CPEB3: variants seen among roughly 807,000 people sequenced by gnomAD.
CPEB3 encodes the protein cytoplasmic polyadenylation element binding protein 3.
In CPEB3, 20 loss-of-function variants were observed where a neutral mutation model predicts 67.2. That is an observed-to-expected ratio of 0.30 (90% CI 0.21 to 0.43). The LOEUF (loss-of-function observed/expected upper bound fraction) is 0.43, where lower values mean the gene tolerates loss of function less well. CPEB3 is among the 20% of genes least tolerant of loss of function. The pLI, the probability that CPEB3 is intolerant of heterozygous loss-of-function variation, is 1.00. For synonymous variants in CPEB3, 376 were observed against 393.1 expected (o/e 0.96, Z 0.51); for missense variants, 746 against 968.6 (o/e 0.77, Z 3.05).
chr10:92,239,307 G>A lies in CPEB3; in HGVS notation c.1005+39C>T. The A allele has an allele frequency of 2.5e-6, 4 of 1,581,276 alleles. No homozygotes were observed. The highest frequency in any genetic ancestry group is 2.3e-5 in the East Asian group (1 of 44,022). On this transcript the variant is annotated intron_variant, in intron 2 of 9. Coordinates refer to ENST00000265997, the MANE Select transcript of CPEB3 (RefSeq NM_014912.5). The surrounding 1 kb of genome is among the most constrained non-coding windows in gnomAD (Gnocchi z 6.0). ...GTCAGAGAAGTGGCAAAAGGAGCGG[G>A]GCAGAGGGAAGGAGTGTGTAGGTGC... is the stretch of plus-strand genomic sequence containing the variant.
chr10:92,185,056 C>T (rs1028501297), intron 3 of CPEB3, among the ~76,000 whole-genome samples: 14 of 152,050 alleles, frequency 9.2e-5, no homozygotes, highest in African/African-American at 3.4e-4. Context: ...TCAGAAGAGG[C>T]CATTTCTTTT....
In CPEB3 at chr10:92,174,839, C is replaced by T. The variant is rs532308893; in HGVS notation, c.1222+6124G>A. ...TTTTAATTTAAACAATATTGAATCTCTGTTATATTACAAAGCTATGATCTT... is the reference window on the plus strand; with the variant it reads ...TTTTAATTTAAACAATATTGAATCTTTGTTATATTACAAAGCTATGATCTT... On this transcript the variant is annotated intron_variant, in intron 4 of 9. Coordinates refer to ENST00000265997, the MANE Select transcript of CPEB3 (RefSeq NM_014912.5). 9.2e-5 allele frequency among the ~76,000 whole-genome samples: 14 copies of T among 152,200 alleles called. No homozygotes were observed. The South Asian group carries it at 2.7e-3, about 29-fold the overall frequency.
intron 4 of CPEB3, among the ~76,000 whole-genome samples, chr10:92,178,479 A>C (rs931866683): frequency 6.6e-6 from 1 of 152,068 alleles, no homozygotes; most frequent in South Asian, 2.1e-4. Context: ...TTCCTACATG[A>C]AGGTTGACAG....
At chr10:92,067,499 T>C (rs1013441041) in intron 9 of CPEB3, among the ~76,000 whole-genome samples, 3 of 147,128 alleles carry the variant, frequency 2.0e-5, no homozygotes, top group African/African-American at 7.6e-5. Context: ...AAACTCCGTC[T>C]CAAAGAAATA....
intron 6 of CPEB3, among the ~76,000 whole-genome samples, chr10:92,129,822 G>A (rs1003661751): frequency 2.6e-5 from 4 of 151,976 alleles, no homozygotes; most frequent in African/African-American, 4.8e-5. Flanking sequence ...TGAGAGCATC[G>A]CTTGAGCCCA....
chr10:92,245,133 CTTTTTTT>C (rs989695063), intron 1 of CPEB3, among the ~76,000 whole-genome samples: 4 of 98,066 alleles, frequency 4.1e-5, no homozygotes, highest in African/African-American at 7.9e-5. Flanking sequence ...AGAAAAGAGT[CTTTTTTT>C]TTTTTTTTTT....
chr10:92,202,778 T>C (rs1159566611), intron 2 of CPEB3, among the ~76,000 whole-genome samples: 1 of 151,968 alleles, frequency 6.6e-6, no homozygotes, highest in African/African-American at 2.4e-5. Flanking sequence ...TTTGGGGTGA[T>C]AAAAATGTTC....
intron 2 of CPEB3, among the ~76,000 whole-genome samples, chr10:92,198,085 G>A (rs1455727269): frequency 6.6e-6 from 1 of 152,154 alleles, no homozygotes; most frequent in African/African-American, 2.4e-5. Flanking sequence ...CACCCTGGGT[G>A]ACACAGTGAG....
Position 92,052,145 on chromosome 10 carries a change from AG to A in CPEB3, c.*66del. 1.9e-6 allele frequency: 2 copies of A among 1,049,178 alleles called. No individual in the cohort carries two copies. Among genetic ancestry groups the A allele is most frequent in the South Asian group, 2.7e-5 (2 of 74,644 alleles). 65.0% of individuals were successfully genotyped at this position (1,049,178 alleles called of 1,614,324 possible). On this transcript the variant is annotated 3_prime_UTR_variant, in exon 10 of 10. Coordinates refer to ENST00000265997, the MANE Select transcript of CPEB3 (RefSeq NM_014912.5). ...GATTTCCAGAACACTGTAAGCCCTG[AG>A]GCAGTGCCCTCTCTTTTCCCTCCTT...
At chr10:92,119,275 C>G in intron 6 of CPEB3, 1 of 1,550,634 alleles carries the variant, frequency 6.4e-7, no homozygotes, top group Middle Eastern at 2.3e-4. Context: ...TGTTTAGATC[C>G]TTTTGCACTT....
intron 4 of CPEB3, among the ~76,000 whole-genome samples, chr10:92,178,367 C>G (rs923521192): frequency 6.6e-6 from 1 of 152,054 alleles, no homozygotes; most frequent in Non-Finnish European, 1.5e-5. Context: ...CCACGTTGGC[C>G]AGGCTGGTCT....
chr10:92,152,713 A>C (rs1847020328), intron 4 of CPEB3, among the ~76,000 whole-genome samples: 3 of 152,216 alleles, frequency 2.0e-5, no homozygotes, highest in Admixed American at 1.3e-4. Context: ...TTAGATAGCT[A>C]TCTCTCCATC....
In CPEB3 at chr10:92,193,722, G is replaced by C. The variant is rs201909630; in HGVS notation, c.1006-1086C>G. On this transcript the variant is annotated intron_variant, in intron 2 of 9. Transcript: ENST00000265997. ...AAGACCACAGTTAAGAACTCAAACG[G>C]AATCATTTTCCTGAAAAACCAAAGG... 7.2e-5 allele frequency among the ~76,000 whole-genome samples: 11 copies of C among 151,946 alleles called. No homozygotes were observed. The East Asian group carries it at 1.7e-3, about 24-fold the overall frequency.
intron 3 of CPEB3, among the ~76,000 whole-genome samples, chr10:92,189,621 T>C (rs1466177299): frequency 1.3e-5 from 2 of 151,752 alleles, no homozygotes; most frequent in Admixed American, 6.6e-5. Flanking sequence ...ATCTCCTATA[T>C]GGAGAATATA....
chr10:92,214,344 T>A (rs1158349763), intron 2 of CPEB3, among the ~76,000 whole-genome samples: 1 of 152,132 alleles, frequency 6.6e-6, no homozygotes, highest in African/African-American at 2.4e-5. Context: ...AGAGGAGCCC[T>A]CACCAGACAT....
chr10:92,250,383 C>T (rs1301292443), intron 1 of CPEB3, among the ~76,000 whole-genome samples: 3 of 151,698 alleles, frequency 2.0e-5, no homozygotes, highest in Admixed American at 6.6e-5. Flanking sequence ...CCACTGTACC[C>T]GGCCAATTTT....
intron 4 of CPEB3, among the ~76,000 whole-genome samples, chr10:92,160,510 CTT>C (rs896888768): frequency 2.0e-5 from 3 of 152,168 alleles, no homozygotes; most frequent in African/African-American, 7.2e-5. Flanking sequence ...TCACTTGTCT[CTT>C]TGTCCCTTCT....
At chr10:92,081,058 A>G (rs1291954889) in intron 9 of CPEB3, among the ~76,000 whole-genome samples, 1 of 152,208 alleles carries the variant, frequency 6.6e-6, no homozygotes, top group East Asian at 1.9e-4. Context: ...TCTTCTGAAC[A>G]GCACTAGTTT....
chr10:92,203,402 A>ATATATATGTATATGTATATATATACG (rs1255389642), intron 2 of CPEB3, among the ~76,000 whole-genome samples: 13 of 146,902 alleles, frequency 8.8e-5, no homozygotes, highest in East Asian at 2.0e-4. Context: ...ATATATACGT[A>ATATATATGTATATGTATATATATACG]TATATATGTA....
Sources: gnomAD v4.1 joint callset for allele counts (sites outside exome capture counted in the v4.1 genomes callset) on GRCh38, gnomAD v4.1.1 for gene constraint, Gnocchi (gnomAD v3.1) non-coding constraint, MANE v1.5 for transcripts, NCBI Gene and HGNC (gene_info 2026-07-23, HGNC 2026-07-21) for gene names.